SDK1: variants seen among roughly 807,000 people sequenced by gnomAD.
SDK1 encodes the protein sidekick cell adhesion molecule 1, also known as protein sidekick-1.
In SDK1, 157 loss-of-function variants were observed where a neutral mutation model predicts 245.5. The ratio of observed to expected loss-of-function variants is 0.64; its 90% CI spans 0.56 to 0.73. SDK1 has a LOEUF of 0.73. SDK1 is among the 30% of genes least tolerant of loss of function. SDK1 has a pLI of 0.00. For synonymous variants in SDK1, 1,647 were observed against 1,278.5 expected (o/e 1.29, Z -6.15); for missense variants, 3,583 against 3,002.3 (o/e 1.19, Z -4.52).
Position 3,787,222 on chromosome 7 carries a change from C to G in SDK1, c.714-34228C>G, listed in dbSNP as rs552038345. ...GAAAACTTTTCTCAGTGGACTATTG[C>G]CGTTAGTCTTTCTCCTTTTTCCCAC... On this transcript the variant is annotated intron_variant, in intron 4 of 44. Coordinates refer to ENST00000404826, the MANE Select transcript of SDK1 (RefSeq NM_152744.4). Among the ~76,000 whole-genome samples the G allele has an allele frequency of 3.3e-5, 5 of 151,578 alleles. No homozygotes were observed. The South Asian group carries it at 1.0e-3, about 32-fold the overall frequency.
intron 1 of SDK1, among the ~76,000 whole-genome samples, chr7:3,467,952 T>C (rs1269431259): frequency 2.7e-5 from 4 of 148,450 alleles, no homozygotes; most frequent in Non-Finnish European, 4.5e-5. Flanking sequence ...TTATCATATA[T>C]AGGTGATGTA....
intron 1 of SDK1, among the ~76,000 whole-genome samples, chr7:3,432,839 A>T (rs2341582): frequency 0.17 from 26,390 of 152,178 alleles, 2,279 homozygotes; most frequent in South Asian, 0.22. Context: ...TCTTCATCTG[A>T]AAGAGATTTC....
At chr7:3,805,089 A>G (rs541640415) in intron 4 of SDK1, among the ~76,000 whole-genome samples, 22 of 152,370 alleles carry the variant, frequency 1.4e-4, no homozygotes, top group South Asian at 8.3e-4. Flanking sequence ...TGATTTCACC[A>G]TTTCACAAGG....
At chr7:3,467,174 A>G (rs1310681503) in intron 1 of SDK1, among the ~76,000 whole-genome samples, 2 of 152,144 alleles carry the variant, frequency 1.3e-5, no homozygotes, top group Non-Finnish European at 2.9e-5. Flanking sequence ...TATGATCAAT[A>G]AAAATATTTT....
chr7:3,670,941 G>A (rs923009327), intron 4 of SDK1, among the ~76,000 whole-genome samples: 8 of 152,172 alleles, frequency 5.3e-5, no homozygotes, highest in Non-Finnish European at 5.9e-5. Context: ...AGGACAGGTC[G>A]TCTATTATTT....
intron 1 of SDK1, among the ~76,000 whole-genome samples, chr7:3,538,102 A>T (rs886245172): frequency 5.3e-5 from 8 of 152,146 alleles, no homozygotes; most frequent in Non-Finnish European, 1.0e-4. Context: ...TAGTCCCCAC[A>T]TTATAAGGAA....
At chr7:4,157,062 G>A (rs76360633) in intron 30 of SDK1, among the ~76,000 whole-genome samples, 5,391 of 152,172 alleles carry the variant, frequency 0.035, 308 homozygotes, top group African/African-American at 0.12. Flanking sequence ...TTGCTCATTC[G>A]GAAGTCGAAT....
chr7:3,706,682 G>A (rs188474746), intron 4 of SDK1, among the ~76,000 whole-genome samples: 2 of 152,132 alleles, frequency 1.3e-5, no homozygotes, highest in South Asian at 2.1e-4. Context: ...GATTATAGGC[G>A]TGAGCCACTG....
intron 4 of SDK1, among the ~76,000 whole-genome samples, chr7:3,650,513 C>T (rs1012747668): frequency 1.3e-5 from 2 of 152,172 alleles, no homozygotes; most frequent in Admixed American, 6.5e-5. Flanking sequence ...TGTAGGTTCA[C>T]ATACAGTCAA....
At chr7:3,417,322 C>T (rs561404022) in intron 1 of SDK1, among the ~76,000 whole-genome samples, 1 of 152,220 alleles carries the variant, frequency 6.6e-6, no homozygotes, top group Non-Finnish European at 1.5e-5. Flanking sequence ...CCCACCTCTC[C>T]AGCCAGTTCC....
At chr7:3,558,313 A>AT (rs1490627839) in intron 1 of SDK1, among the ~76,000 whole-genome samples, 1 of 152,232 alleles carries the variant, frequency 6.6e-6, no homozygotes. Flanking sequence ...CCTAGGACAC[A>AT]TTCTTTTTAT....
At chr7:3,907,063 C>G (rs1329507983) in intron 5 of SDK1, among the ~76,000 whole-genome samples, 1 of 152,072 alleles carries the variant, frequency 6.6e-6, no homozygotes, top group Non-Finnish European at 1.5e-5. Flanking sequence ...AGGGTCTGAG[C>G]CAGTGTATTC....
At chr7:3,441,003 G>C (rs1344340012) in intron 1 of SDK1, among the ~76,000 whole-genome samples, 1 of 152,144 alleles carries the variant, frequency 6.6e-6, no homozygotes, top group East Asian at 1.9e-4. Context: ...CAAGAATACA[G>C]ATAATCAGTA....
chr7:3,884,351 A>G (rs962184755), intron 5 of SDK1, among the ~76,000 whole-genome samples: 3 of 152,162 alleles, frequency 2.0e-5, no homozygotes, highest in African/African-American at 7.2e-5. Flanking sequence ...TGTCTGGCGC[A>G]TAAAAGGAGT....
At chr7:3,561,523 C>A (rs991726680) in intron 1 of SDK1, among the ~76,000 whole-genome samples, 1 of 152,108 alleles carries the variant, frequency 6.6e-6, no homozygotes, top group African/African-American at 2.4e-5. Flanking sequence ...GGGTAGGCCA[C>A]CCCTAAGGTG....
intron 40 of SDK1, among the ~76,000 whole-genome samples, chr7:4,224,676 C>T (rs1195078213): frequency 1.3e-5 from 2 of 152,060 alleles, no homozygotes; most frequent in African/African-American, 2.4e-5. Context: ...CTTGAGCCAA[C>T]AGATCGCCAC....
intron 22 of SDK1, among the ~76,000 whole-genome samples, chr7:4,090,250 T>C (rs145160266): frequency 3.3e-5 from 5 of 152,332 alleles, no homozygotes; most frequent in African/African-American, 1.2e-4. Context: ...TGAGATTCTT[T>C]AAAAACCTCA....
intron 4 of SDK1, among the ~76,000 whole-genome samples, chr7:3,820,397 C>T (rs568081867): frequency 1.5e-4 from 23 of 152,124 alleles, no homozygotes; most frequent in African/African-American, 4.6e-4. Context: ...ATCTGTCCAC[C>T]TCGCCCTCCC....
At chr7:3,943,221 T>A (rs1355713623) in intron 5 of SDK1, among the ~76,000 whole-genome samples, 1 of 152,046 alleles carries the variant, frequency 6.6e-6, no homozygotes, top group Non-Finnish European at 1.5e-5. Flanking sequence ...TTTAATGAGG[T>A]GCTGAGATCT....
Sources: allele counts gnomAD v4.1 joint callset (sites outside exome capture counted in the v4.1 genomes callset), GRCh38; gene constraint gnomAD v4.1.1; transcripts MANE v1.5; gene names NCBI Gene and HGNC (gene_info 2026-07-23, HGNC 2026-07-21).